IBTK: variants seen among roughly 807,000 people sequenced by gnomAD.
The protein encoded by IBTK is BTK-binding protein.
IBTK carries 83 observed loss-of-function variants against 154.9 expected under a neutral mutation model. The ratio of observed to expected loss-of-function variants is 0.54; its 90% CI spans 0.45 to 0.64. The LOEUF (loss-of-function observed/expected upper bound fraction) is 0.64, where lower values mean the gene tolerates loss of function less well. Among genes scored for constraint, IBTK ranks in the 30% least tolerant of loss-of-function variants. The pLI is 0.00. For synonymous variants in IBTK, 515 were observed against 536.1 expected, an observed-to-expected ratio of 0.96 and a Z score of 0.54; for missense variants, 1,332 against 1,584.6, an observed-to-expected ratio of 0.84 and a Z score of 2.71.
chr6:82,233,929 G>A (rs1442004294), intron 3 of IBTK, among the ~76,000 whole-genome samples: 1 of 151,888 alleles, frequency 6.6e-6, no homozygotes, highest in East Asian at 1.9e-4. Context: ...AGACGGGGTT[G>A]TACCATGTTG....
intron 5 of IBTK, among the ~76,000 whole-genome samples, chr6:82,226,814 C>T (rs1770315712): frequency 6.6e-6 from 1 of 152,108 alleles, no homozygotes; most frequent in South Asian, 2.1e-4. Context: ...CCATGTTGGC[C>T]AGGCCGGTCT....
chr6:82,212,088 G>A (rs990719620), intron 13 of IBTK, among the ~76,000 whole-genome samples: 5 of 151,886 alleles, frequency 3.3e-5, no homozygotes, highest in African/African-American at 1.2e-4. Flanking sequence ...TCCGCCTCCC[G>A]AGTACAAGTG....
intron 26 of IBTK, among the ~76,000 whole-genome samples, chr6:82,175,216 T>C (rs1768066618): frequency 6.6e-6 from 1 of 152,220 alleles, no homozygotes; most frequent in Admixed American, 6.5e-5. Context: ...TAGTATACGA[T>C]AATGAAAAGC....
chr6:82,186,862 CATAAA>C (rs1237770670), intron 25 of IBTK, among the ~76,000 whole-genome samples: 1 of 149,510 alleles, frequency 6.7e-6, no homozygotes, highest in Non-Finnish European at 1.5e-5. Context: ...ATCATGTTTT[CATAAA>C]ATAAATGTAT....
At chr6:82,197,373 A>ATTTT (rs11422131) in intron 21 of IBTK, among the ~76,000 whole-genome samples, 1 of 138,398 alleles carries the variant, frequency 7.2e-6, no homozygotes, top group Admixed American at 7.4e-5. Context: ...ATCTTTTTGA[A>ATTTT]TTTTTTTTTT....
intron 21 of IBTK, among the ~76,000 whole-genome samples, chr6:82,196,831 TACAGTGGTCTCCGC>T (rs1769005588): frequency 6.6e-6 from 1 of 152,198 alleles, no homozygotes; most frequent in Non-Finnish European, 1.5e-5. Context: ...TGTCTCTTGG[TACAGTGGTCTCCGC>T]ACCCAAGCAA....
intron 26 of IBTK, among the ~76,000 whole-genome samples, chr6:82,180,242 A>G (rs197251): frequency 3.3e-5 from 5 of 151,728 alleles, no homozygotes; most frequent in South Asian, 2.1e-4. Context: ...AGGTTTTTTT[A>G]TTTTGTTTTG....
intron 25 of IBTK, chr6:82,188,962 G>A (rs765557814): frequency 4.7e-5 from 19 of 403,972 alleles, no homozygotes; most frequent in Middle Eastern, 8.2e-4. Flanking sequence ...CCTAGGAGGC[G>A]GAGGTTGCAG....
In IBTK at chr6:82,191,070, T is replaced by C. The variant is rs1364116924; in HGVS notation, c.3575+3A>G. ...ATTAATTTTAATAAAAATAAGAGCA[T>C]ACCATGCATTCACTGGTTTGGGGGC... On this transcript the variant is annotated splice_donor_region_variant and intron_variant, in intron 25 of 28. Transcript: ENST00000306270. The C allele has an allele frequency of 6.5e-7, 1 of 1,527,876 alleles. No homozygotes were observed. The highest frequency in any genetic ancestry group is 2.5e-5 in the East Asian group (1 of 40,778). 94.6% of individuals were successfully genotyped at this position (1,527,876 alleles called of 1,614,324 possible). A position where few individuals can be genotyped will look rare whatever the true frequency, so the allele number is the denominator to read the frequency against.
At chr6:82,231,275 G>A (rs117222821) in intron 4 of IBTK, among the ~76,000 whole-genome samples, 2,506 of 151,356 alleles carry the variant, frequency 0.017, 27 homozygotes, top group Non-Finnish European at 0.024. Flanking sequence ...GAAGTGTGTT[G>A]TTTTCTAAAT....
chr6:82,194,844 A>C (rs1768921018), intron 22 of IBTK, among the ~76,000 whole-genome samples: 1 of 152,178 alleles, frequency 6.6e-6, no homozygotes, highest in Non-Finnish European at 1.5e-5. Flanking sequence ...CTATAACTGA[A>C]TTATTATGAG....
At chr6:82,196,481 T>C (rs138739466) in intron 21 of IBTK, 35 bp from the exon 22 acceptor site, 29,472 of 1,450,064 alleles carry the variant, frequency 0.02, 380 homozygotes, top group Non-Finnish European at 0.025. Flanking sequence ...TAAACACATA[T>C]GCATTAAACA....
chr6:82,234,094 C>T (rs756757560), intron 3 of IBTK, 65 bp downstream of exon 3: 9 of 674,478 alleles, frequency 1.3e-5, no homozygotes, highest in Admixed American at 2.5e-5. Flanking sequence ...CTGCCTCAGC[C>T]TACCAAATTG....
At chr6:82,202,177 A>C (rs924317330) in intron 18 of IBTK, among the ~76,000 whole-genome samples, 2 of 152,218 alleles carry the variant, frequency 1.3e-5, no homozygotes, top group African/African-American at 4.8e-5. Flanking sequence ...TATAAAAATA[A>C]ACTAAACAAT....
Position 82,204,866 on chromosome 6 carries a change from T to G in IBTK, c.2602A>C (p.Thr868Pro). ...RLKEICEVALTEKLTLKNAAM... is the reference protein window; with the variant it reads ...RLKEICEVALPEKLTLKNAAM... ...ACTCAAAATTACTCACGTTTTTCAG[T>G]TAATGCTACTTCACAAATCTCTTTC... is the stretch of plus-strand genomic sequence containing the variant. The change falls in exon 17 of 29, where the codon ACT becomes CCT. Residue 868 changes from threonine to proline, a missense_variant. Thr to Pro is a conservative substitution (Grantham distance 38, BLOSUM62 -1). Coordinates refer to ENST00000306270, the MANE Select transcript of IBTK (RefSeq NM_015525.4). 6.3e-7 allele frequency: 1 copy of G among 1,592,192 alleles called. No individual in the cohort carries two copies.
rs540919057 is a variant in IBTK at position 82,223,972 on chromosome 6, C to T, written c.943+96G>A. Reference sequence around the variant, plus strand: ...TCAAACAAACAAACAAAAAATCACTCATAATCTCATTCTAATCAATAAAAA... The same window carrying T: ...TCAAACAAACAAACAAAAAATCACTTATAATCTCATTCTAATCAATAAAAA... On this transcript the variant is annotated intron_variant, in intron 7 of 28. Coordinates refer to ENST00000306270, the MANE Select transcript of IBTK (RefSeq NM_015525.4). 1.2e-4 allele frequency: 90 copies of T among 756,064 alleles called. 1 individual carries two copies. In the South Asian group the frequency reaches 1.4e-3, roughly 12 times the overall value. 46.8% of individuals were successfully genotyped at this position (756,064 alleles called of 1,614,324 possible).
chr6:82,233,428 A>G (rs1250287137), intron 3 of IBTK, among the ~76,000 whole-genome samples: 1 of 152,152 alleles, frequency 6.6e-6, no homozygotes, highest in Non-Finnish European at 1.5e-5. Context: ...CTCAATGCTG[A>G]TGTTACTTTC....
intron 4 of IBTK, among the ~76,000 whole-genome samples, chr6:82,227,870 TTC>T (rs1770357071): frequency 6.6e-6 from 1 of 151,870 alleles, no homozygotes; most frequent in South Asian, 2.1e-4. Flanking sequence ...TATATTTATT[TTC>T]AAGTTTTTCT....
At chr6:82,238,783 G>A (rs1770831729) in intron 2 of IBTK, among the ~76,000 whole-genome samples, 2 of 151,828 alleles carry the variant, frequency 1.3e-5, no homozygotes, top group Non-Finnish European at 2.9e-5. Flanking sequence ...CTGTCGCCTA[G>A]GCTGGAGTGC....
Sources: gnomAD v4.1 joint callset for allele counts (sites outside exome capture counted in the v4.1 genomes callset) on GRCh38, gnomAD v4.1.1 for gene constraint, MANE v1.5 for transcripts, NCBI Gene and HGNC (gene_info 2026-07-23, HGNC 2026-07-21) for gene names.